SCIN: variants seen among roughly 807,000 people sequenced by gnomAD.
SCIN encodes the protein adseverin.
SCIN carries 91 observed loss-of-function variants against 91.8 expected under a neutral mutation model. The ratio of observed to expected loss-of-function variants is 0.99; its 90% CI spans 0.84 to 1.18. SCIN has a LOEUF of 1.18. SCIN is among the 50% of genes most tolerant of loss of function. SCIN has a pLI of 0.00. For synonymous variants in SCIN, 367 were observed against 312.6 expected (o/e 1.17, Z -1.84); for missense variants, 1,087 against 863.9 (o/e 1.26, Z -3.24).
rs765480321 is a variant in SCIN, at chr7:12,581,120, C to G, written c.415C>G (p.Leu139Val). Residue 139 changes from leucine to valine, a missense_variant, in exon 3 of 16, where the codon CTC becomes GTC. Physicochemically the swap from Leu to Val is conservative, Grantham distance 32 (BLOSUM62 1). Coordinates refer to ENST00000297029, the MANE Select transcript of SCIN (RefSeq NM_001112706.3). ...TACGAACGACCTGACAGCCAAGAGG[C>G]TCCTACATGTGAAGGGTCGTAGAGT... ...VLTNDLTAKR[L>V]LHVKGRRVVR... 78 of 1,551,306 alleles carry G rather than the reference C, an allele frequency of 5.0e-5. No individual in the cohort carries two copies. Among genetic ancestry groups the G allele is most frequent in the South Asian group, 5.9e-5 (5 of 84,056 alleles).
At chr7:12,629,052 A>T (rs765533484) in intron 8 of SCIN, 49 bp from the exon 9 acceptor site, 3 of 1,481,668 alleles carry the variant, frequency 2.0e-6, no homozygotes, top group Non-Finnish European at 2.7e-6. Context: ...GAGAAATATT[A>T]TTAGATCAAG....
intron 7 of SCIN, 67 bp from the exon 8 acceptor site, chr7:12,626,517 G>C (rs578205965): frequency 6.6e-6 from 8 of 1,214,646 alleles, no homozygotes; most frequent in Non-Finnish European, 9.2e-6. Flanking sequence ...TGTCTCCACT[G>C]CCAGATTCAT....
Position 12,651,116 on chromosome 7 carries a change from T to C in SCIN, c.1960-725T>C, listed in dbSNP as rs1420367467. ...AGAACTAAATAAATGGCTGGATGGTTGATGCTTTTCTACCATTTTGAAGTT... is the reference window on the plus strand; with the variant it reads ...AGAACTAAATAAATGGCTGGATGGTCGATGCTTTTCTACCATTTTGAAGTT... On this transcript the variant is annotated intron_variant, in intron 14 of 15. Coordinates refer to ENST00000297029, the MANE Select transcript of SCIN (RefSeq NM_001112706.3). This position sits in a 1 kb window ranked among gnomAD's most constrained non-coding sequence, Gnocchi z 5.9. 6.6e-6 allele frequency among the ~76,000 whole-genome samples: 1 copy of C among 152,184 alleles called. No homozygotes were observed. Among genetic ancestry groups the C allele is most frequent in the Non-Finnish European group, 1.5e-5 (1 of 68,032 alleles).
rs961810402 is a variant in SCIN at position 12,636,716 on chromosome 7, C to A, written c.1410+581C>A. Among the ~76,000 whole-genome samples, 70 of 152,024 alleles carry A rather than the reference C, an allele frequency of 4.6e-4. 2 individuals are homozygous for A. The highest frequency in any genetic ancestry group is 4.6e-3 in the Admixed American group (70 of 15,258). The stretch of plus-strand genomic sequence containing the variant: ...TGCAGCATGGGAAAGACTCAACCAG[C>A]GATTGCTAGCTTTGAGGATAGAAGG... On this transcript the variant is annotated intron_variant, in intron 10 of 15. Transcript: ENST00000297029.
At chr7:12,592,029 G>A (rs1365154889) in intron 3 of SCIN, among the ~76,000 whole-genome samples, 6 of 152,130 alleles carry the variant, frequency 3.9e-5, no homozygotes, top group Admixed American at 2.6e-4. Context: ...GTAAGGTTTC[G>A]GGCTAGAGCT....
At chr7:12,596,928 T>A (rs1159224629) in intron 3 of SCIN, among the ~76,000 whole-genome samples, 1 of 152,194 alleles carries the variant, frequency 6.6e-6, no homozygotes, top group Non-Finnish European at 1.5e-5. Flanking sequence ...TATTTATTTC[T>A]CTTCTCTCTA....
Position 12,604,450 on chromosome 7 carries a change from T to C in SCIN, c.517-64T>C, listed in dbSNP as rs975707795. ...TTTCTTTCCTAATTAATCACAAGTA[T>C]TACACTGAGGCTGAATGTCTTCCTC... On this transcript the variant is annotated intron_variant, in intron 3 of 15. Coordinates refer to ENST00000297029, the MANE Select transcript of SCIN (RefSeq NM_001112706.3). The C allele has an allele frequency of 3.5e-6, 5 of 1,428,168 alleles. No individual in the cohort carries two copies. In the African/African-American group the frequency reaches 7.1e-5, roughly 20 times the overall value. The allele number at this position is 1,428,168 out of a possible 1,614,324, so 88.5% of individuals were successfully genotyped here.
chr7:12,578,107 C>A lies in SCIN; in HGVS notation c.243C>A (p.Phe81Leu). 1 of 1,549,060 alleles carries A rather than the reference C, an allele frequency of 6.5e-7. No homozygotes were observed. The highest frequency in any genetic ancestry group is 8.7e-7 in the Non-Finnish European group (1 of 1,145,636). The change falls in exon 2 of 16, where the codon TTC (phenylalanine) becomes TTA (leucine). Residue 81 changes from phenylalanine (F) to leucine (L), a missense_variant. Coordinates refer to ENST00000297029, the MANE Select transcript of SCIN (RefSeq NM_001112706.3). The part of the protein sequence containing the change: ...SQDESTAAAI[F>L]TVQMDDYLGG... Reference sequence around the variant, plus strand: ...ATGAAAGCACAGCTGCTGCCATCTTCACTGTTCAGATGGATGACTATTTGG... The same window carrying A: ...ATGAAAGCACAGCTGCTGCCATCTTAACTGTTCAGATGGATGACTATTTGG...
intron 4 of SCIN, among the ~76,000 whole-genome samples, chr7:12,616,820 T>C (rs1235422680): frequency 6.6e-6 from 1 of 152,124 alleles, no homozygotes; most frequent in Non-Finnish European, 1.5e-5. Flanking sequence ...ACAACACAAT[T>C]GTGGACTTCA....
At chr7:12,597,020 T>C (rs1242226775) in intron 3 of SCIN, among the ~76,000 whole-genome samples, 1 of 152,210 alleles carries the variant, frequency 6.6e-6, no homozygotes, top group Non-Finnish European at 1.5e-5. Context: ...CACCACTCCA[T>C]TCATCTTGTG....
rs1484140846 is a variant in SCIN at position 12,625,855 on chromosome 7, G to A, written c.981+5G>A. Reference sequence around the variant, plus strand: ...AATTATTCCAAGAATACCCAAGTATGTGTGAAACTGAACTGGCTAGAAAAA... The same window carrying A: ...AATTATTCCAAGAATACCCAAGTATATGTGAAACTGAACTGGCTAGAAAAA... On this transcript the variant is annotated splice_donor_5th_base_variant and intron_variant, in intron 7 of 15. Coordinates refer to ENST00000297029, the MANE Select transcript of SCIN (RefSeq NM_001112706.3). 1 of 1,588,496 alleles carries A rather than the reference G, an allele frequency of 6.3e-7. No homozygotes were observed.
chr7:12,625,226 T>TA (rs1227785841), intron 6 of SCIN, 84 bp downstream of exon 6: 91 of 1,255,516 alleles, frequency 7.2e-5, no homozygotes, highest in East Asian at 2.7e-4. Flanking sequence ...TTTTTGATTT[T>TA]AAAAAAAAGC....
Position 12,654,396 on chromosome 7 carries a change from GA to G in SCIN, c.*1685del, listed in dbSNP as rs1230841998. The G allele has an allele frequency of 2.6e-5, 4 of 152,046 alleles. No individual in the cohort carries two copies. The highest frequency in any genetic ancestry group is 7.3e-5 in the African/African-American group (3 of 41,378). 9.4% of individuals were successfully genotyped at this position (152,046 alleles called of 1,614,324 possible). A position where few individuals can be genotyped will look rare whatever the true frequency, so the allele number is the denominator to read the frequency against. ...ACCCAATTCTGACATTTGCCTAAAG[GA>G]AAATTTACCTAAAAAGGCGTTTTCT... On this transcript the variant is annotated 3_prime_UTR_variant, in exon 16 of 16. Transcript: ENST00000297029.
At position 12,651,459 on chromosome 7, in the gene SCIN, G is replaced by A. The variant is rs921923014; in HGVS notation, c.1960-382G>A. On this transcript the variant is annotated intron_variant, in intron 14 of 15. Coordinates refer to ENST00000297029, the MANE Select transcript of SCIN (RefSeq NM_001112706.3). This position sits in a 1 kb window ranked among gnomAD's most constrained non-coding sequence, Gnocchi z 5.9. ...AGCCATCTCGAAATATGTCAAAGAA[G>A]TGTATTCGGAGGTGAAATATTTTGG... Among the ~76,000 whole-genome samples, 2 of 152,086 alleles carry A rather than the reference G, an allele frequency of 1.3e-5. No individual in the cohort carries two copies. The highest frequency in any genetic ancestry group is 2.9e-5 in the Non-Finnish European group (2 of 68,020).
Position 12,622,816 on chromosome 7 carries a change from C to G in SCIN, c.682C>G (p.Pro228Ala). 4 of 1,612,810 alleles carry G rather than the reference C, an allele frequency of 2.5e-6. No homozygotes were observed. Among genetic ancestry groups the G allele is most frequent in the Non-Finnish European group, 3.4e-6 (4 of 1,179,200 alleles). ...TTTTTTCCAGGTCTTAGGGGAAAAG[C>G]CAGAGCTTCCAGATGGAGGTGATGA... ...SELIKVLGEK[P>A]ELPDGGDDDD... The change falls in exon 5 of 16, where the codon CCA (proline) becomes GCA (alanine). Residue 228 changes from proline (P) to alanine (A), a missense_variant. Pro to Ala is a conservative substitution (Grantham distance 27). Transcript: ENST00000297029.
chr7:12,581,449 G>A (rs1583275309), intron 3 of SCIN, among the ~76,000 whole-genome samples: 1 of 152,096 alleles, frequency 6.6e-6, no homozygotes, highest in East Asian at 1.9e-4. Flanking sequence ...TCCTACCATA[G>A]AACAGAAATT....
chr7:12,622,679 T>A, intron 4 of SCIN, 122 bp from the exon 5 acceptor site: 1 of 685,346 alleles, frequency 1.5e-6, no homozygotes, highest in Non-Finnish European at 2.5e-6. Context: ...GAGAAGTGTT[T>A]GAGCCTGGTC....
At chr7:12,625,627 C>A in intron 6 of SCIN, 135 bp from the exon 7 acceptor site, 3 of 677,896 alleles carry the variant, frequency 4.4e-6, no homozygotes, top group Non-Finnish European at 7.3e-6. Context: ...CCGCACCCGG[C>A]CAATTTTGCT....
chr7:12,631,787 A>G (rs1434500743), intron 9 of SCIN, among the ~76,000 whole-genome samples: 3 of 152,214 alleles, frequency 2.0e-5, no homozygotes, highest in Admixed American at 6.5e-5. Context: ...ATTCTGTTAT[A>G]AGCAACAGAA....
Sources: gnomAD v4.1 joint callset for allele counts (sites outside exome capture counted in the v4.1 genomes callset) on GRCh38, gnomAD v4.1.1 for gene constraint, Gnocchi (gnomAD v3.1) non-coding constraint, MANE v1.5 for transcripts, NCBI Gene and HGNC (gene_info 2026-07-23, HGNC 2026-07-21) for gene names.